PLEKHA1: variants seen among roughly 807,000 people sequenced by gnomAD.
The protein encoded by PLEKHA1 is pleckstrin homology domain-containing family A member 1.
Under a neutral mutation model 52.0 loss-of-function variants are expected in PLEKHA1, and 34 were observed. That is an observed-to-expected ratio of 0.65 (90% confidence interval 0.50 to 0.87). The LOEUF (loss-of-function observed/expected upper bound fraction) is 0.87, where lower values mean the gene tolerates loss of function less well. Ranked by LOEUF, PLEKHA1 falls within the 40% of genes least tolerant of loss-of-function variation. The pLI, the probability that PLEKHA1 is intolerant of heterozygous loss-of-function variation, is 0.00. For synonymous variants in PLEKHA1, 163 were observed against 170.7 expected (o/e 0.95, Z 0.35); for missense variants, 497 against 504.2 (o/e 0.99, Z 0.14).
chr10:122,386,570 TGAA>T (rs2096702530), intron 1 of PLEKHA1: 1 of 152,222 alleles, frequency 6.6e-6, no homozygotes, highest in Non-Finnish European at 1.5e-5. Context: ...CCTAAGGTCC[TGAA>T]GACTTTGTCC....
At chr10:122,406,916 A>C (rs2097024941) in intron 5 of PLEKHA1, among the ~76,000 whole-genome samples, 1 of 152,194 alleles carries the variant, frequency 6.6e-6, no homozygotes. Flanking sequence ...TGCAGATCTT[A>C]ATCACTTCTT....
Position 122,393,890 on chromosome 10 carries a change from T to C in PLEKHA1, c.141+549T>C, listed in dbSNP as rs1238405364. 6.6e-6 allele frequency among the ~76,000 whole-genome samples: 1 copy of C among 152,242 alleles called. No homozygotes were observed. Among genetic ancestry groups the C allele is most frequent in the African/African-American group, 2.4e-5 (1 of 41,538 alleles). On this transcript the variant is annotated intron_variant, in intron 2 of 11. Transcript: ENST00000368990. This position sits in a 1 kb window ranked among gnomAD's most constrained non-coding sequence, Gnocchi z 4.5. ...CATATGTAGTCCTTTTATTTTGTAG[T>C]GTCAGATTTGAGTCAGTCATTGTAA...
At chr10:122,375,895 T>C (rs1464250945) in intron 1 of PLEKHA1, among the ~76,000 whole-genome samples, 2 of 152,226 alleles carry the variant, frequency 1.3e-5, no homozygotes, top group Non-Finnish European at 2.9e-5. Context: ...TTTAATGAAG[T>C]CATTGCCCCT....
At chr10:122,408,613 C>G (rs1235895626) in intron 5 of PLEKHA1, among the ~76,000 whole-genome samples, 1 of 151,934 alleles carries the variant, frequency 6.6e-6, no homozygotes, top group African/African-American at 2.4e-5. Context: ...TTTGATAGTA[C>G]TTATTAAAAA....
At chr10:122,395,481 C>G (rs1464709667) in intron 2 of PLEKHA1, among the ~76,000 whole-genome samples, 2 of 151,894 alleles carry the variant, frequency 1.3e-5, no homozygotes, top group African/African-American at 2.4e-5. Flanking sequence ...ATATTATTTT[C>G]TTTCTTTATC....
intron 7 of PLEKHA1, among the ~76,000 whole-genome samples, chr10:122,416,332 T>C (rs571104722): frequency 4.9e-4 from 74 of 152,142 alleles, no homozygotes; most frequent in Non-Finnish European, 7.9e-4. Flanking sequence ...AGAGCTGTTG[T>C]GGGGAGATGG....
chr10:122,407,888 A>G (rs917974195), intron 5 of PLEKHA1, among the ~76,000 whole-genome samples: 2 of 152,168 alleles, frequency 1.3e-5, no homozygotes, highest in African/African-American at 2.4e-5. Context: ...ATAATTTCCT[A>G]TTTATATCAC....
At chr10:122,407,432 T>C (rs547747175) in intron 5 of PLEKHA1, among the ~76,000 whole-genome samples, 21 of 152,340 alleles carry the variant, frequency 1.4e-4, no homozygotes, top group Non-Finnish European at 1.5e-5. Flanking sequence ...GAAAGATTAA[T>C]CTACCAGTGT....
At chr10:122,435,020 TAAG>T (rs1017764626), downstream of PLEKHA1, 17 of 152,112 alleles carry the variant, frequency 1.1e-4, no homozygotes, top group Non-Finnish European at 2.2e-4. Context: ...AAACCCAAAA[TAAG>T]AAGGGAAAGC....
downstream of PLEKHA1, chr10:122,437,073 T>G (rs1043627374): frequency 2.8e-5 from 4 of 143,458 alleles, no homozygotes; most frequent in African/African-American, 1.0e-4. Flanking sequence ...GTGGAAACAT[T>G]TATTATTATT....
rs536934686 is a variant in PLEKHA1, at chr10:122,380,743, T to C, written c.-21+5937T>C. Among the ~76,000 whole-genome samples the C allele has an allele frequency of 2.6e-5, 4 of 152,298 alleles. No homozygotes were observed. In the South Asian group the frequency reaches 8.3e-4, roughly 32 times the overall value. On this transcript the variant is annotated intron_variant, in intron 1 of 11. Transcript: ENST00000368990. ...GAAGCTTTAAAAAAGTACTGATGCC[T>C]GGATCCCATCCCAGAATTTCTGATT...
chr10:122,416,106 G>A, intron 7 of PLEKHA1, 104 bp downstream of exon 7: 1 of 1,258,118 alleles, frequency 7.9e-7, no homozygotes, highest in Non-Finnish European at 1.1e-6. Context: ...AAGACCCAAA[G>A]TGAGAGACCG....
chr10:122,412,736 T>A (rs2133057203), intron 5 of PLEKHA1, 184 bp from the exon 6 acceptor site: 1 of 612,308 alleles, frequency 1.6e-6, no homozygotes, highest in East Asian at 2.8e-5. Flanking sequence ...GATAGCTATA[T>A]TATAAAATAT....
Position 122,426,055 on chromosome 10 carries a change from C to G in PLEKHA1, c.811-887C>G, listed in dbSNP as rs1174167279. Among the ~76,000 whole-genome samples, 2 of 152,102 alleles carry G rather than the reference C, an allele frequency of 1.3e-5. 1 individual carries two copies. Among genetic ancestry groups the G allele is most frequent in the Admixed American group, 1.3e-4 (2 of 15,268 alleles). On this transcript the variant is annotated intron_variant, in intron 10 of 11. Transcript: ENST00000368990. ...CCACCAGTAAATTGTGTCTGTATTA[C>G]TCTGTTGCTGTATTGTGTCTGTGTT...
intron 6 of PLEKHA1, among the ~76,000 whole-genome samples, chr10:122,413,912 A>G (rs904547750): frequency 6.6e-6 from 1 of 152,124 alleles, no homozygotes; most frequent in Non-Finnish European, 1.5e-5. Flanking sequence ...AAATTGTATC[A>G]TTCCCCACAT....
At chr10:122,428,981 CCCTTTGTTA>C (rs2097381542) in intron 11 of PLEKHA1, among the ~76,000 whole-genome samples, 3 of 152,142 alleles carry the variant, frequency 2.0e-5, no homozygotes, top group Admixed American at 2.0e-4. Context: ...TAAATGTGTA[CCCTTTGTTA>C]CCTTTAAAAT....
At chr10:122,387,202 GTTTAC>G (rs2096712069) in intron 1 of PLEKHA1, 1 of 151,758 alleles carries the variant, frequency 6.6e-6, no homozygotes. Context: ...TCTATTTTGG[GTTTAC>G]TTTACCTTTT....
rs1002845198 is a variant in PLEKHA1 at position 122,374,750 on chromosome 10, C to G, written c.-77C>G. 6.6e-6 allele frequency: 1 copy of G among 151,818 alleles called. No individual in the cohort carries two copies. The highest frequency in any genetic ancestry group is 1.5e-5 in the Non-Finnish European group (1 of 67,944). The allele number at this position is 151,818 out of a possible 1,614,324, so 9.4% of individuals were successfully genotyped here. A position where few individuals can be genotyped will look rare whatever the true frequency, so the allele number is the denominator to read the frequency against. On this transcript the variant is annotated 5_prime_UTR_variant, in exon 1 of 12. Coordinates refer to ENST00000368990, the MANE Select transcript of PLEKHA1 (RefSeq NM_001001974.4). The stretch of plus-strand genomic sequence containing the variant: ...CGTCGCGGACGCCGCTCCGGGCAGC[C>G]GAGCCTCTGTGGGAGCCGGGGCCGC...
chr10:122,429,501 T>A, intron 11 of PLEKHA1, 123 bp from the exon 12 acceptor site: 1 of 368,888 alleles, frequency 2.7e-6, no homozygotes, highest in Admixed American at 9.0e-5. Flanking sequence ...CCTTTGTGTG[T>A]GTGTGTGTGT....
Sources: gnomAD v4.1 joint callset for allele counts (sites outside exome capture counted in the v4.1 genomes callset) on GRCh38, gnomAD v4.1.1 for gene constraint, Gnocchi (gnomAD v3.1) non-coding constraint, MANE v1.5 for transcripts, NCBI Gene and HGNC (gene_info 2026-07-23, HGNC 2026-07-21) for gene names.